UIMC1: variants seen among roughly 807,000 people sequenced by gnomAD.
The protein encoded by UIMC1 is BRCA1-A complex subunit RAP80.
UIMC1 carries 42 observed loss-of-function variants against 84.9 expected under a neutral mutation model. The observed-to-expected ratio is 0.49, with a 90% confidence interval of 0.39 to 0.64. The LOEUF is 0.64. Ranked by LOEUF, UIMC1 falls within the 30% of genes least tolerant of loss-of-function variation. The pLI, the probability that UIMC1 is intolerant of heterozygous loss-of-function variation, is 0.00. For synonymous variants in UIMC1, 281 were observed against 293.0 expected (o/e 0.96, Z 0.42); for missense variants, 825 against 847.6 (o/e 0.97, Z 0.33).
At position 176,970,647 on chromosome 5, in the gene UIMC1, T is replaced by C. The variant is rs1390682013; in HGVS notation, c.357+95A>G. ...TTTTGTTAGGTGAAAACCCTATAAATGACTACAGCTAGTTCCTAATGCAAC... is the reference window on the plus strand; with the variant it reads ...TTTTGTTAGGTGAAAACCCTATAAACGACTACAGCTAGTTCCTAATGCAAC... On this transcript the variant is annotated intron_variant, in intron 4 of 14. Transcript: ENST00000511320. 5 of 1,592,082 alleles carry C rather than the reference T, an allele frequency of 3.1e-6. No homozygotes were observed. In the African/African-American group the frequency reaches 6.7e-5, roughly 21 times the overall value.
At chr5:176,917,969 T>TA (rs924970035) in intron 10 of UIMC1, among the ~76,000 whole-genome samples, 56 of 152,044 alleles carry the variant, frequency 3.7e-4, no homozygotes, top group Admixed American at 1.8e-3. Context: ...CAAAAAATAA[T>TA]AAAAAAAATT....
Position 176,982,554 on chromosome 5 carries a change from T to C in UIMC1, c.62A>G (p.Asp21Gly), listed in dbSNP as rs776989609. ...VSESRNLEKK[D>G]VETTSSVSVK... ...ACTGACAGAACTGGTAGTTTCCACA[T>C]CCTTCTTCTCCAGGTTCCGAGATTC... The change falls in exon 2 of 15, where the codon GAT (aspartate) becomes GGT (glycine). Residue 21 changes from aspartate (D) to glycine (G), a missense_variant. By Grantham distance (94) the Asp-to-Gly change is moderately conservative (BLOSUM62 -1). Transcript: ENST00000511320. 3 of 1,614,140 alleles carry C rather than the reference T, an allele frequency of 1.9e-6. No homozygotes were observed. In the South Asian group the frequency reaches 3.3e-5, roughly 18 times the overall value.
At chr5:176,926,637 AAACAAC>A (rs57287380) in intron 10 of UIMC1, among the ~76,000 whole-genome samples, 4 of 151,420 alleles carry the variant, frequency 2.6e-5, no homozygotes, top group Non-Finnish European at 5.9e-5. Context: ...ACCCTGTCTC[AAACAAC>A]AACAACAACA....
At chr5:176,989,856 C>T (rs546142548) in intron 1 of UIMC1, among the ~76,000 whole-genome samples, 4 of 151,990 alleles carry the variant, frequency 2.6e-5, no homozygotes, top group East Asian at 3.9e-4. Context: ...AATTCATATG[C>T]TGACATCTAA....
chr5:176,905,183 C>T lies in UIMC1; in HGVS notation c.*99G>A. 4 of 1,344,174 alleles carry T rather than the reference C, an allele frequency of 3.0e-6. No homozygotes were observed. Among genetic ancestry groups the T allele is most frequent in the Middle Eastern group, 2.1e-4 (1 of 4,760 alleles). 83.3% of individuals were successfully genotyped at this position (1,344,174 alleles called of 1,614,324 possible). ...GGTGCTGGTGGTGAAAACTGCAGGG[C>T]TAAAACTTGCTCAACAATGAACTAG... On this transcript the variant is annotated 3_prime_UTR_variant, in exon 15 of 15. Transcript: ENST00000511320.
At chr5:176,909,507 C>T (rs1484160079) in intron 11 of UIMC1, among the ~76,000 whole-genome samples, 1 of 152,084 alleles carries the variant, frequency 6.6e-6, no homozygotes, top group African/African-American at 2.4e-5. Context: ...TTGTCAGAAA[C>T]TAGATTTGCC....
Position 176,920,188 on chromosome 5 carries a change from A to AT in UIMC1, c.1598-8800dup, listed in dbSNP as rs572540727. Among the ~76,000 whole-genome samples the AT allele has an allele frequency of 8.4e-3, 1,241 of 147,592 alleles. 12 individuals are homozygous for AT. Among genetic ancestry groups the AT allele is most frequent in the African/African-American group, 0.018 (747 of 40,408 alleles). On this transcript the variant is annotated intron_variant, in intron 10 of 14. Coordinates refer to ENST00000511320, the MANE Select transcript of UIMC1 (RefSeq NM_001199298.2). ...AGGCATGCACCACCATGCCTGGCTA[A>AT]TTTTTTTTTTTGTATTTTTAGTAGA...
chr5:176,970,023 C>T, intron 4 of UIMC1: 1 of 221,490 alleles, frequency 4.5e-6, no homozygotes, highest in South Asian at 7.2e-5. Context: ...GTAATCCCAG[C>T]ACTTTGGGAG....
intron 10 of UIMC1, among the ~76,000 whole-genome samples, chr5:176,913,984 A>G (rs1044713723): frequency 5.3e-5 from 8 of 151,550 alleles, no homozygotes; most frequent in African/African-American, 1.9e-4. Context: ...CAAAAAATTA[A>G]TACCATACCA....
intron 9 of UIMC1, among the ~76,000 whole-genome samples, chr5:176,951,263 T>C (rs1329127825): frequency 6.6e-6 from 1 of 152,160 alleles, no homozygotes; most frequent in Non-Finnish European, 1.5e-5. Context: ...TAATAATGCA[T>C]ACAAAAGTAC....
rs894180967 is a variant in UIMC1, at chr5:176,943,177, T to C, written c.1597+158A>G. On this transcript the variant is annotated intron_variant, in intron 10 of 14. Coordinates refer to ENST00000511320, the MANE Select transcript of UIMC1 (RefSeq NM_001199298.2). Reference sequence around the variant, plus strand: ...TACCTGCTAAAAGTAATGATGAACATAAAAGTACTAGAAAAATAACTAGAT... The same window carrying C: ...TACCTGCTAAAAGTAATGATGAACACAAAAGTACTAGAAAAATAACTAGAT... 5 of 875,972 alleles carry C rather than the reference T, an allele frequency of 5.7e-6. No homozygotes were observed. In the Admixed American group the frequency reaches 1.3e-4, roughly 24 times the overall value. The allele number at this position is 875,972 out of a possible 1,614,324, so 54.3% of individuals were successfully genotyped here. A position where few individuals can be genotyped will look rare whatever the true frequency, so the allele number is the denominator to read the frequency against.
intron 1 of UIMC1, among the ~76,000 whole-genome samples, chr5:177,000,704 T>C (rs1384893563): frequency 1.3e-5 from 2 of 151,782 alleles, no homozygotes; most frequent in African/African-American, 2.4e-5. Context: ...TTCTCTATGT[T>C]GGTCAGGCTG....
intron 1 of UIMC1, among the ~76,000 whole-genome samples, chr5:177,004,723 C>T (rs1485611065): frequency 6.6e-6 from 1 of 152,296 alleles, no homozygotes; most frequent in African/African-American, 2.4e-5. Flanking sequence ...TATTATTTGC[C>T]ATTTTATTTC....
chr5:176,991,630 CA>C (rs57753076), intron 1 of UIMC1, among the ~76,000 whole-genome samples: 44,003 of 78,810 alleles, frequency 0.56, 9,413 homozygotes, highest in African/African-American at 0.72. Flanking sequence ...AACTCCGTCT[CA>C]AAAAAAAAAA....
intron 9 of UIMC1, among the ~76,000 whole-genome samples, chr5:176,950,815 A>G (rs539127486): frequency 6.6e-6 from 1 of 152,278 alleles, no homozygotes; most frequent in Non-Finnish European, 1.5e-5. Context: ...GGTTGCAGTG[A>G]GCCGAGATCG....
chr5:176,959,545 T>C (rs1767047726), intron 6 of UIMC1, among the ~76,000 whole-genome samples: 1 of 148,860 alleles, frequency 6.7e-6, no homozygotes, highest in African/African-American at 2.5e-5. Context: ...TGAAACCCCG[T>C]CTCTACTAAA....
intron 6 of UIMC1, among the ~76,000 whole-genome samples, chr5:176,963,777 A>G (rs1173455725): frequency 6.6e-6 from 1 of 152,126 alleles, no homozygotes; most frequent in Non-Finnish European, 1.5e-5. Context: ...CATTTTGTAT[A>G]CATACATCAG....
At chr5:176,922,158 T>C (rs1266736209) in intron 10 of UIMC1, among the ~76,000 whole-genome samples, 1 of 152,220 alleles carries the variant, frequency 6.6e-6, no homozygotes, top group Non-Finnish European at 1.5e-5. Context: ...GCCTTGTTTT[T>C]CTTAAATTGT....
At chr5:176,991,630 CAAAAAAAAAAAA>C (rs57753076) in intron 1 of UIMC1, among the ~76,000 whole-genome samples, 2 of 78,848 alleles carry the variant, frequency 2.5e-5, no homozygotes, top group Admixed American at 2.9e-4. Context: ...AACTCCGTCT[CAAAAAAAAAAAA>C]AAAAAAAAGG....
Sources: gnomAD v4.1 joint callset for allele counts (sites outside exome capture counted in the v4.1 genomes callset) on GRCh38, gnomAD v4.1.1 for gene constraint, MANE v1.5 for transcripts, NCBI Gene and HGNC (gene_info 2026-07-23, HGNC 2026-07-21) for gene names.